The following TMEM131L variants were observed in gnomAD, a reference collection of about 807,000 sequenced individuals.
TMEM131L encodes transmembrane protein 131-like.
A neutral mutation model predicts 192.2 loss-of-function variants in TMEM131L; 54 were observed. The observed-to-expected ratio is 0.28, with a 90% CI of 0.23 to 0.35. The LOEUF (loss-of-function observed/expected upper bound fraction) is 0.35, where lower values mean the gene tolerates loss of function less well. Among genes scored for constraint, TMEM131L ranks in the 10% least tolerant of loss-of-function variants. The pLI, the probability that TMEM131L is intolerant of heterozygous loss-of-function variation, is 1.00. For missense variants in TMEM131L, 1,888 were observed against 1,972.9 expected, an observed-to-expected ratio of 0.96 and a Z score of 0.82; for synonymous variants, 701 against 704.9, an observed-to-expected ratio of 0.99 and a Z score of 0.09.
At chr4:153,498,032 G>T (rs1043340108) in intron 3 of TMEM131L, among the ~76,000 whole-genome samples, 11 of 152,176 alleles carry the variant, frequency 7.2e-5, no homozygotes, top group Non-Finnish European at 1.3e-4. Flanking sequence ...AAAACGTTGT[G>T]TTCCGTTCTT....
At chr4:153,627,328 G>A (rs923946989) in intron 30 of TMEM131L, among the ~76,000 whole-genome samples, 1 of 151,968 alleles carries the variant, frequency 6.6e-6, no homozygotes, top group African/African-American at 2.4e-5. Flanking sequence ...TCTACCTGAC[G>A]GGTAGATTTA....
intron 3 of TMEM131L, among the ~76,000 whole-genome samples, chr4:153,522,224 T>A (rs562572844): frequency 1.9e-4 from 29 of 152,222 alleles, no homozygotes; most frequent in South Asian, 6.2e-4. Flanking sequence ...ATTTGTGAAA[T>A]GGGACGTTCT....
intron 3 of TMEM131L, among the ~76,000 whole-genome samples, chr4:153,545,576 C>T (rs940301208): frequency 6.6e-5 from 10 of 151,964 alleles, no homozygotes; most frequent in Admixed American, 2.0e-4. Flanking sequence ...CATGAGCCAC[C>T]GTGCCAGGCC....
intron 3 of TMEM131L, among the ~76,000 whole-genome samples, chr4:153,482,009 G>A (rs939386292): frequency 6.6e-6 from 1 of 152,080 alleles, no homozygotes; most frequent in African/African-American, 2.4e-5. Context: ...AGCACGCCCA[G>A]CTAATTTTTG....
chr4:153,561,541 TG>T (rs1483809001), intron 7 of TMEM131L, among the ~76,000 whole-genome samples: 1 of 152,224 alleles, frequency 6.6e-6, no homozygotes, highest in African/African-American at 2.4e-5. Flanking sequence ...TTTTAGCATA[TG>T]GTGTGAGGAA....
At chr4:153,491,825 C>A (rs1170330557) in intron 3 of TMEM131L, among the ~76,000 whole-genome samples, 1 of 152,026 alleles carries the variant, frequency 6.6e-6, no homozygotes, top group African/African-American at 2.4e-5. Flanking sequence ...TTCCACCTCA[C>A]CCTCCTGAGT....
At chr4:153,570,673 T>C (rs1412260296) in intron 7 of TMEM131L, among the ~76,000 whole-genome samples, 1 of 152,196 alleles carries the variant, frequency 6.6e-6, no homozygotes, top group Admixed American at 6.5e-5. Flanking sequence ...ATGGAAGCTG[T>C]GTTAGGAGCA....
chr4:153,541,636 A>G (rs1393064597), intron 3 of TMEM131L, among the ~76,000 whole-genome samples: 1 of 152,246 alleles, frequency 6.6e-6, no homozygotes, highest in Non-Finnish European at 1.5e-5. Flanking sequence ...AGTCTAGGCC[A>G]CAGATACACA....
rs376275830 is a variant in TMEM131L at position 153,558,232 on chromosome 4, G to T, written c.550-26G>T. On this transcript the variant is annotated intron_variant, in intron 6 of 34. Coordinates refer to ENST00000409959, the MANE Select transcript of TMEM131L (RefSeq NM_001131007.2). ...ATGTGTTTTAAAACTCTTAACAGAG[G>T]AGCAATTCTCTCTCTTTTTCCGCAG... The T allele has an allele frequency of 1.1e-5, 14 of 1,244,778 alleles. No homozygotes were observed. The African/African-American group carries it at 1.8e-4, about 16-fold the overall frequency. The allele number at this position is 1,244,778 out of a possible 1,614,324, so 77.1% of individuals were successfully genotyped here.
At chr4:153,502,281 A>C (rs1733673090) in intron 3 of TMEM131L, among the ~76,000 whole-genome samples, 1 of 152,150 alleles carries the variant, frequency 6.6e-6, no homozygotes, top group Non-Finnish European at 1.5e-5. Flanking sequence ...GAACTTAGTC[A>C]TATGGTTGCA....
At chr4:153,595,067 A>G (rs187238819) in intron 19 of TMEM131L, among the ~76,000 whole-genome samples, 135 of 152,298 alleles carry the variant, frequency 8.9e-4, no homozygotes, top group African/African-American at 2.9e-3. Flanking sequence ...AAGAAATATT[A>G]TATATTTTGG....
chr4:153,550,155 C>A lies in TMEM131L; in HGVS notation c.308+14C>A. On this transcript the variant is annotated intron_variant, in intron 4 of 34. Coordinates refer to ENST00000409959, the MANE Select transcript of TMEM131L (RefSeq NM_001131007.2). ...TTTTGGAATACAGTAAGTATCTTTTCTTTATAATTAAAACTCATTTTATTT... is the reference window on the plus strand; with the variant it reads ...TTTTGGAATACAGTAAGTATCTTTTATTTATAATTAAAACTCATTTTATTT... The A allele has an allele frequency of 8.9e-7, 1 of 1,126,682 alleles. No individual in the cohort carries two copies. Among genetic ancestry groups the A allele is most frequent in the Non-Finnish European group, 1.2e-6 (1 of 806,832 alleles). 69.8% of individuals were successfully genotyped at this position (1,126,682 alleles called of 1,614,324 possible). A position where few individuals can be genotyped will look rare whatever the true frequency, so the allele number is the denominator to read the frequency against.
intron 2 of TMEM131L, among the ~76,000 whole-genome samples, chr4:153,468,123 T>C (rs1730896968): frequency 6.6e-6 from 1 of 152,234 alleles, no homozygotes; most frequent in South Asian, 2.1e-4. Context: ...TAATTCTGTG[T>C]TGTGTCTTGC....
chr4:153,525,443 G>A (rs952961898), intron 3 of TMEM131L, among the ~76,000 whole-genome samples: 6 of 152,060 alleles, frequency 3.9e-5, no homozygotes, highest in Non-Finnish European at 7.4e-5. Flanking sequence ...AGGTTCAGGC[G>A]ATTTTCGTGC....
intron 26 of TMEM131L, among the ~76,000 whole-genome samples, chr4:153,617,645 G>A (rs978751929): frequency 1.3e-5 from 2 of 152,324 alleles, no homozygotes; most frequent in Non-Finnish European, 2.9e-5. Context: ...TTCTGGAAAT[G>A]TAGAGGTAAA....
chr4:153,539,116 C>A (rs1053079397), intron 3 of TMEM131L, among the ~76,000 whole-genome samples: 20 of 152,122 alleles, frequency 1.3e-4, no homozygotes, highest in African/African-American at 4.8e-4. Flanking sequence ...CATTATTTCT[C>A]AAGGAAAAAT....
intron 3 of TMEM131L, among the ~76,000 whole-genome samples, chr4:153,548,255 A>G (rs762281805): frequency 6.6e-6 from 1 of 152,226 alleles, no homozygotes; most frequent in African/African-American, 2.4e-5. Context: ...AGAGATTGAC[A>G]AGAATTAGGC....
intron 26 of TMEM131L, among the ~76,000 whole-genome samples, chr4:153,615,712 C>T (rs1168102594): frequency 2.6e-5 from 4 of 152,132 alleles, no homozygotes; most frequent in African/African-American, 9.7e-5. Context: ...ACTGATGCTG[C>T]CATGCACTGA....
chr4:153,506,585 G>A (rs1415033249), intron 3 of TMEM131L, among the ~76,000 whole-genome samples: 1 of 152,144 alleles, frequency 6.6e-6, no homozygotes, highest in Non-Finnish European at 1.5e-5. Flanking sequence ...GCTCATGCCT[G>A]TAATCCCAGC....
Sources: gnomAD v4.1 joint callset for allele counts (sites outside exome capture counted in the v4.1 genomes callset) on GRCh38, gnomAD v4.1.1 for gene constraint, MANE v1.5 for transcripts, NCBI Gene and HGNC (gene_info 2026-07-23, HGNC 2026-07-21) for gene names.